C10orf143: variants seen among roughly 807,000 people sequenced by gnomAD.
C10orf143 encodes the protein chromosome 10 open reading frame 143, also known as uncharacterized protein C10orf143.
At chr10:130,076,564 G>A (rs914669811) in intron 3 of C10orf143, among the ~76,000 whole-genome samples, 6 of 152,094 alleles carry the variant, frequency 3.9e-5, no homozygotes, top group African/African-American at 9.7e-5. Flanking sequence ...AGGAAAACAC[G>A]GTGCTGAGGA....
At chr10:130,101,146 G>A (rs539071513) in intron 1 of C10orf143, 2 of 151,930 alleles carry the variant, frequency 1.3e-5, no homozygotes, top group East Asian at 3.9e-4. Flanking sequence ...TCGAACCTGA[G>A]AGGCAGAGGT....
chr10:130,101,699 T>C (rs559097884), intron 1 of C10orf143, among the ~76,000 whole-genome samples: 62 of 151,378 alleles, frequency 4.1e-4, no homozygotes, highest in Middle Eastern at 3.4e-3. Flanking sequence ...ATCCCATCTC[T>C]ATAAAAATAC....
chr10:130,064,884 G>A (rs1368622073), intron 3 of C10orf143: 2 of 152,302 alleles, frequency 1.3e-5, no homozygotes, highest in East Asian at 3.8e-4. Context: ...AAGTAACTGG[G>A]AGAACCAGAT....
intron 1 of C10orf143, chr10:130,107,936 G>C: frequency 1.4e-6 from 2 of 1,410,704 alleles, no homozygotes; most frequent in Non-Finnish European, 1.0e-6. Context: ...TAACTCTGGT[G>C]GACTGTCTGG....
intron 3 of C10orf143, chr10:130,067,169 T>G (rs1430819160): frequency 6.6e-6 from 1 of 152,246 alleles, no homozygotes; most frequent in East Asian, 1.9e-4. Context: ...CATCTCTCAC[T>G]GCAACGGCTT....
chr10:130,037,708 A>G (rs1860560493), intron 3 of C10orf143, among the ~76,000 whole-genome samples: 1 of 152,228 alleles, frequency 6.6e-6, no homozygotes, highest in African/African-American at 2.4e-5. Flanking sequence ...TATTAATATC[A>G]GACCCATACG....
chr10:130,036,804 C>G (rs1489693833), intron 3 of C10orf143, among the ~76,000 whole-genome samples: 3 of 152,130 alleles, frequency 2.0e-5, no homozygotes, highest in African/African-American at 4.8e-5. Flanking sequence ...GTGCTGGGCG[C>G]AAGTTCCTAG....
intron 3 of C10orf143, among the ~76,000 whole-genome samples, chr10:130,073,884 G>C (rs997144935): frequency 4.6e-5 from 7 of 152,082 alleles, no homozygotes; most frequent in African/African-American, 1.7e-4. Context: ...TGAAGATTTT[G>C]TCAGTGGTCT....
At chr10:130,072,382 T>C (rs1861047317) in intron 3 of C10orf143, among the ~76,000 whole-genome samples, 1 of 152,230 alleles carries the variant, frequency 6.6e-6, no homozygotes, top group South Asian at 2.1e-4. Context: ...CTTCTGGATT[T>C]CCTAATGGGC....
intron 1 of C10orf143, among the ~76,000 whole-genome samples, chr10:130,083,980 G>A (rs919653110): frequency 6.6e-6 from 1 of 152,038 alleles, no homozygotes; most frequent in Non-Finnish European, 1.5e-5. Flanking sequence ...AAGTAACATA[G>A]CCACACTGAA....
intron 1 of C10orf143, among the ~76,000 whole-genome samples, chr10:130,082,984 C>T (rs1335210043): frequency 6.6e-6 from 1 of 151,988 alleles, no homozygotes; most frequent in Non-Finnish European, 1.5e-5. Context: ...TCCTAAACAA[C>T]ATCAAAAGAT....
chr10:130,105,318 T>C (rs1861622846), intron 1 of C10orf143, among the ~76,000 whole-genome samples: 1 of 152,204 alleles, frequency 6.6e-6, no homozygotes, highest in African/African-American at 2.4e-5. Flanking sequence ...TGGCTTGGAT[T>C]TAAGACCTAG....
chr10:130,076,579 T>C (rs1861122147), intron 3 of C10orf143, among the ~76,000 whole-genome samples: 1 of 152,096 alleles, frequency 6.6e-6, no homozygotes, highest in Non-Finnish European at 1.5e-5. Context: ...TGAGGAAATA[T>C]CATCATATCT....
chr10:130,104,835 G>A (rs1217356065), intron 1 of C10orf143: 2 of 152,040 alleles, frequency 1.3e-5, no homozygotes, highest in Non-Finnish European at 2.9e-5. Flanking sequence ...ATGACCTCTG[G>A]CTCCCCTTCC....
Position 130,108,306 on chromosome 10 carries a change from C to T in C10orf143, c.69+2398G>A, listed in dbSNP as rs571280802. 189 of 1,562,450 alleles carry T rather than the reference C, an allele frequency of 1.2e-4. 1 individual carries two copies. Among genetic ancestry groups the T allele is most frequent in the East Asian group, 1.1e-3 (47 of 44,482 alleles). On this transcript the variant is annotated intron_variant, in intron 1 of 3. Coordinates refer to ENST00000637128, the MANE Select transcript of C10orf143 (RefSeq NM_001355042.2). ...TTTGCAATGAGAAATGTCTATCCACCGAGGGGTTTTCCTCCTTACCCTCCC... is the reference window on the plus strand; with the variant it reads ...TTTGCAATGAGAAATGTCTATCCACTGAGGGGTTTTCCTCCTTACCCTCCC...
At chr10:130,041,831 A>ACACG (rs1554944305) in intron 3 of C10orf143, among the ~76,000 whole-genome samples, 1 of 151,830 alleles carries the variant, frequency 6.6e-6, no homozygotes, top group Non-Finnish European at 1.5e-5. Context: ...ACACACACAC[A>ACACG]CATGCATGTA....
At chr10:130,042,415 C>T (rs976719890) in intron 3 of C10orf143, among the ~76,000 whole-genome samples, 66 of 152,260 alleles carry the variant, frequency 4.3e-4, no homozygotes, top group African/African-American at 1.4e-3. Flanking sequence ...CTTTGGCTCA[C>T]TTCCTCAGAA....
intron 1 of C10orf143, among the ~76,000 whole-genome samples, chr10:130,097,429 G>A (rs1861480683): frequency 6.6e-6 from 1 of 152,132 alleles, no homozygotes; most frequent in African/African-American, 2.4e-5. Flanking sequence ...ATACTGCTCC[G>A]TATCTACTAG....
intron 1 of C10orf143, among the ~76,000 whole-genome samples, chr10:130,082,183 C>CT (rs879339260): frequency 3.5e-4 from 51 of 145,952 alleles, no homozygotes; most frequent in Admixed American, 4.8e-4. Context: ...ATATGATCTT[C>CT]TTTTTTTTTT....
Sources: allele counts gnomAD v4.1 joint callset (sites outside exome capture counted in the v4.1 genomes callset), GRCh38; gene constraint gnomAD v4.1.1; transcripts MANE v1.5; gene names NCBI Gene and HGNC (gene_info 2026-07-23, HGNC 2026-07-21).